Variants in ADAM9 observed in about 807,000 individuals in gnomAD.
ADAM9 encodes ADAM metallopeptidase domain 9.
A neutral mutation model predicts 108.1 loss-of-function variants in ADAM9; 54 were observed. The ratio of observed to expected loss-of-function variants is 0.50; its 90% CI spans 0.40 to 0.63. The LOEUF (loss-of-function observed/expected upper bound fraction) is 0.63. ADAM9 is among the 20% of genes least tolerant of loss of function. The pLI, the probability that ADAM9 is intolerant of heterozygous loss-of-function variation, is 0.00. For synonymous variants in ADAM9, 316 were observed against 336.0 expected (o/e 0.94, Z 0.65); for missense variants, 830 against 997.7 (o/e 0.83, Z 2.26).
chr8:39,033,594 A>G (rs1837172248), intron 11 of ADAM9, among the ~76,000 whole-genome samples: 1 of 151,922 alleles, frequency 6.6e-6, no homozygotes, highest in Admixed American at 6.6e-5. Flanking sequence ...CACTTAATAT[A>G]TTTATATTTA....
Position 39,105,008 on chromosome 8 carries a change from G to A in ADAM9, c.*1308G>A. On this transcript the variant is annotated 3_prime_UTR_variant, in exon 22 of 22. Transcript: ENST00000487273. ...TAAAATACTTGAAATTCTCTTTTGTGTCTCCTAGTAGCTTCCTACTCAACT... is the reference window on the plus strand; with the variant it reads ...TAAAATACTTGAAATTCTCTTTTGTATCTCCTAGTAGCTTCCTACTCAACT... 2.3e-6 allele frequency: 1 copy of A among 428,964 alleles called. No individual in the cohort carries two copies. Among genetic ancestry groups the A allele is most frequent in the South Asian group, 1.7e-5 (1 of 57,346 alleles). The allele number at this position is 428,964 out of a possible 1,614,324, so 26.6% of individuals were successfully genotyped here.
At chr8:39,014,104 G>A in intron 4 of ADAM9, 61 bp downstream of exon 4, 1 of 1,379,352 alleles carries the variant, frequency 7.2e-7, no homozygotes, top group South Asian at 1.2e-5. Context: ...TTAAAAATGA[G>A]TTCTGTATAG....
chr8:39,094,129 A>T (rs921608927), intron 20 of ADAM9, among the ~76,000 whole-genome samples: 1 of 152,168 alleles, frequency 6.6e-6, no homozygotes, highest in African/African-American at 2.4e-5. Context: ...GAATGTTGAA[A>T]TTTGTCAAAT....
intron 12 of ADAM9, among the ~76,000 whole-genome samples, chr8:39,045,629 C>A (rs1210853042): frequency 1.3e-5 from 2 of 151,362 alleles, no homozygotes; most frequent in African/African-American, 4.9e-5. Context: ...TGGACACTTA[C>A]ATTAGTTTCA....
chr8:39,021,728 T>G lies in ADAM9; in HGVS notation c.744+14T>G. 1 of 1,602,404 alleles carries G rather than the reference T, an allele frequency of 6.2e-7. No homozygotes were observed. Among genetic ancestry groups the G allele is most frequent in the Non-Finnish European group, 8.6e-7 (1 of 1,169,476 alleles). On this transcript the variant is annotated intron_variant, in intron 8 of 21. Transcript: ENST00000487273. ...TACTTGGATAGTGTAAGTTGTATTTTCTATCAACCAGGATGATTCTGTCCT... is the reference window on the plus strand; with the variant it reads ...TACTTGGATAGTGTAAGTTGTATTTGCTATCAACCAGGATGATTCTGTCCT...
rs188542548 is a variant in ADAM9, at chr8:39,030,626, T to C, written c.1130+3816T>C. Among the ~76,000 whole-genome samples the C allele has an allele frequency of 1.4e-4, 21 of 152,358 alleles. No individual in the cohort carries two copies. In the East Asian group the frequency reaches 3.7e-3, roughly 27 times the overall value. On this transcript the variant is annotated intron_variant, in intron 11 of 21. Transcript: ENST00000487273. ...GGTGAATACCAAGGGATGCGATTGCTGGATCATATGTTAAGAGAGTATGTT... is the reference window on the plus strand; with the variant it reads ...GGTGAATACCAAGGGATGCGATTGCCGGATCATATGTTAAGAGAGTATGTT...
intron 21 of ADAM9, 113 bp from the exon 22 acceptor site, chr8:39,103,494 C>A: frequency 2.0e-6 from 2 of 1,025,134 alleles, no homozygotes; most frequent in Admixed American, 1.8e-5. Flanking sequence ...ATGTACAGTA[C>A]CCTTTCCTGT....
At chr8:39,064,013 A>T (rs1000638466) in intron 14 of ADAM9, among the ~76,000 whole-genome samples, 5 of 152,150 alleles carry the variant, frequency 3.3e-5, no homozygotes, top group African/African-American at 1.2e-4. Context: ...TGCTTGAACT[A>T]GGAATCCCTG....
chr8:39,079,031 G>C (rs1472596764), intron 16 of ADAM9, among the ~76,000 whole-genome samples: 9 of 152,094 alleles, frequency 5.9e-5, no homozygotes, highest in Non-Finnish European at 1.3e-4. Flanking sequence ...GAGAAAACAG[G>C]GGAGGCTAAA....
intron 11 of ADAM9, among the ~76,000 whole-genome samples, chr8:39,027,588 A>G (rs1451104429): frequency 6.6e-6 from 1 of 152,186 alleles, no homozygotes; most frequent in Non-Finnish European, 1.5e-5. Flanking sequence ...TCCCAGAGCT[A>G]AAAAATAATT....
At chr8:39,100,476 G>C (rs1408685773) in intron 20 of ADAM9, among the ~76,000 whole-genome samples, 2 of 149,512 alleles carry the variant, frequency 1.3e-5, no homozygotes, top group African/African-American at 4.9e-5. Context: ...CAGGGCGACA[G>C]AGCCAGACTC....
chr8:38,998,016 GTTGT>G (rs1390431573), intron 1 of ADAM9, among the ~76,000 whole-genome samples: 4 of 152,200 alleles, frequency 2.6e-5, no homozygotes, highest in Non-Finnish European at 5.9e-5. Context: ...CTGGAAACAA[GTTGT>G]TTATTTTGGA....
In ADAM9 at chr8:39,071,342, A is replaced by G; in HGVS notation, c.1636A>G (p.Lys546Glu). 6.2e-7 allele frequency: 1 copy of G among 1,614,158 alleles called. No homozygotes were observed. The highest frequency in any genetic ancestry group is 8.5e-7 in the Non-Finnish European group (1 of 1,180,028). The change falls in exon 15 of 22, where the codon AAA becomes GAA. Residue 546 changes from lysine to glutamate, a missense_variant. Lys to Glu is a moderately conservative substitution (Grantham distance 56). Around this residue, in one of 3 missense-constraint regions of ADAM9, gnomAD observed 381 missense variants for 539.8 expected, o/e 0.71. Transcript: ENST00000487273. ...AGATTGTTTCATTGAAGTGAATTCT[A>G]AAGGTGACAGATTTGGCAATTGTGG... Reference protein sequence around the residue: ...PKDCFIEVNSKGDRFGNCGFS... With the variant: ...PKDCFIEVNSEGDRFGNCGFS...
chr8:39,057,624 C>T (rs1838168374), intron 14 of ADAM9, among the ~76,000 whole-genome samples: 1 of 152,014 alleles, frequency 6.6e-6, no homozygotes, highest in Non-Finnish European at 1.5e-5. Flanking sequence ...GCTAGTGTTT[C>T]AGTTCAATTC....
chr8:39,023,263 C>T lies in ADAM9; in HGVS notation c.852C>T (p.Phe284=), dbSNP rs143007948. ...GTGCTGGTGATGTGCTGGGGAACTT[C>T]GTGCAGTGGCGGGAAAAGTTTCTTA... ...VGGAGDVLGN[F]VQWREKFLIT... Residue 284 remains phenylalanine, a synonymous_variant, in exon 9 of 22, where the codon TTC becomes TTT. Transcript: ENST00000487273. The T allele has an allele frequency of 8.4e-5, 136 of 1,613,326 alleles. No individual in the cohort carries two copies. Among genetic ancestry groups the T allele is most frequent in the African/African-American group, 3.6e-4 (27 of 74,810 alleles).
rs1179023014 is a variant in ADAM9 at position 39,055,687 on chromosome 8, A to G, written c.1506A>G (p.Gly502=). The G allele has an allele frequency of 6.2e-7, 1 of 1,613,812 alleles. No homozygotes were observed. The highest frequency in any genetic ancestry group is 8.5e-7 in the Non-Finnish European group (1 of 1,179,784). ...FCQPDVFIQN[G]YPCQNNKAYC... ...AGCCAGATGTTTTTATTCAGAATGG[A>G]TATCCTTGCCAGAATAACAAAGCCT... The change falls in exon 14 of 22, where the codon GGA becomes GGG. Residue 502 remains glycine (G), a synonymous_variant. Coordinates refer to ENST00000487273, the MANE Select transcript of ADAM9 (RefSeq NM_003816.3).
chr8:39,071,231 T>C, intron 14 of ADAM9, 67 bp from the exon 15 acceptor site: 3 of 1,463,158 alleles, frequency 2.1e-6, no homozygotes, highest in Non-Finnish European at 2.8e-6. Context: ...TTGTAGGGAA[T>C]ACTTTTATTT....
chr8:39,019,362 G>A (rs757978290), intron 7 of ADAM9, among the ~76,000 whole-genome samples: 31 of 152,202 alleles, frequency 2.0e-4, no homozygotes, highest in South Asian at 4.1e-4. Context: ...GCATGCTTTA[G>A]AAGGGAATAG....
intron 3 of ADAM9, among the ~76,000 whole-genome samples, chr8:39,012,932 A>T (rs1159484662): frequency 6.6e-6 from 1 of 152,146 alleles, no homozygotes; most frequent in Non-Finnish European, 1.5e-5. Flanking sequence ...GTACCCTAGA[A>T]CTTAAAGGAT....
Sources: gnomAD v4.1 joint callset for allele counts (sites outside exome capture counted in the v4.1 genomes callset) on GRCh38, gnomAD v4.1.1 for gene constraint, gnomAD v4.1.1 regional missense constraint, MANE v1.5 for transcripts, NCBI Gene and HGNC (gene_info 2026-07-23, HGNC 2026-07-21) for gene names.